The following NPAS4 variants were observed in gnomAD, a reference collection of about 807,000 sequenced individuals.
NPAS4 encodes neuronal PAS domain protein 4.
A neutral mutation model predicts 64.0 loss-of-function variants in NPAS4; 10 were observed. That is an observed-to-expected ratio of 0.16 (90% CI 0.10 to 0.26). NPAS4 has a LOEUF of 0.26. NPAS4 is among the 10% of genes least tolerant of loss of function. The pLI is 1.00. For missense variants in NPAS4, 886 were observed against 992.6 expected (o/e 0.89, Z 1.44); for synonymous variants, 441 against 411.7 (o/e 1.07, Z -0.86).
rs1283314833 is a variant in NPAS4 at position 66,422,727 on chromosome 11, G to T, written c.484G>T (p.Ala162Ser). 2 of 1,614,038 alleles carry T rather than the reference G, an allele frequency of 1.2e-6. No homozygotes were observed. The highest frequency in any genetic ancestry group is 1.7e-6 in the Non-Finnish European group (2 of 1,179,960). ...CTCCAAGTCCCTCAGGCGCCAGAGT[G>T]CAGGCAACAAACTCGTGCTTATTCG... ...NTSKSLRRQS[A>S]GNKLVLIRGR... The change falls in exon 4 of 8, where the codon GCA becomes TCA. Residue 162 changes from alanine to serine, a missense_variant. Ala to Ser is a moderately conservative substitution (Grantham distance 99). Transcript: ENST00000311034.
At chr11:66,422,621 GTCTC>G in intron 3 of NPAS4, 49 bp from the exon 4 acceptor site, 1 of 1,605,228 alleles carries the variant, frequency 6.2e-7, no homozygotes, top group Middle Eastern at 1.7e-4. Flanking sequence ...ACCATCCACT[GTCTC>G]TCTCTCAGCC....
chr11:66,414,448 G>T, the NPAS4 span, among the ~76,000 whole-genome samples: 1 of 151,980 alleles, frequency 6.6e-6, no homozygotes, highest in South Asian at 2.1e-4. Context: ...TCCCACCTGG[G>T]CTCTACTCTC....
At position 66,426,391 on chromosome 11, in the gene NPAS4, G is replaced by T; in HGVS notation, c.*402G>T. ...CCACCCGGGCCAGCCCGTGCCCTGA[G>T]GGGCTCTTGACACCCACGTAGAATT... is the stretch of plus-strand genomic sequence containing the variant. On this transcript the variant is annotated 3_prime_UTR_variant, in exon 8 of 8. Coordinates refer to ENST00000311034, the MANE Select transcript of NPAS4 (RefSeq NM_178864.4). The T allele has an allele frequency of 5.5e-6, 1 of 181,742 alleles. No homozygotes were observed. Among genetic ancestry groups the T allele is most frequent in the Non-Finnish European group, 1.2e-5 (1 of 85,618 alleles). The allele number at this position is 181,742 out of a possible 1,614,324, so 11.3% of individuals were successfully genotyped here. A position where few individuals can be genotyped will look rare whatever the true frequency, so the allele number is the denominator to read the frequency against.
rs1252541982 is a variant in NPAS4 at position 66,421,374 on chromosome 11, C to T, written c.175+20C>T. The T allele has an allele frequency of 4.3e-6, 7 of 1,609,660 alleles. No individual in the cohort carries two copies. Among genetic ancestry groups the T allele is most frequent in the African/African-American group, 1.3e-5 (1 of 74,872 alleles). On this transcript the variant is annotated intron_variant, in intron 1 of 7. Coordinates refer to ENST00000311034, the MANE Select transcript of NPAS4 (RefSeq NM_178864.4). Reference sequence around the variant, plus strand: ...CTGGTGGTGAGCATGCTGGGGCTACCGCAGATCCGAGCTGCCAGGCGCCGG... The same window carrying T: ...CTGGTGGTGAGCATGCTGGGGCTACTGCAGATCCGAGCTGCCAGGCGCCGG...
chr11:66,422,584 A>G (rs756520070), intron 3 of NPAS4, 31 bp downstream of exon 3: 1 of 1,603,520 alleles, frequency 6.2e-7, no homozygotes, highest in Non-Finnish European at 8.5e-7. Context: ...TCCTCGGTCC[A>G]ATTTCCCACC....
rs756195669 is a variant in NPAS4, at chr11:66,421,192, A to G, written c.13A>G (p.Thr5Ala). The G allele has an allele frequency of 2.5e-6, 4 of 1,609,836 alleles. No individual in the cohort carries two copies. Among genetic ancestry groups the G allele is most frequent in the Non-Finnish European group, 3.4e-6 (4 of 1,178,312 alleles). ...GCAGCCGCCGGTCATGTACCGCTCC[A>G]CCAAGGGCGCCTCCAAGGCGCGCCG... MYRS[T>A]KGASKARRDQ... Residue 5 changes from threonine (T) to alanine (A), a missense_variant, in exon 1 of 8, where the codon ACC becomes GCC. Physicochemically the swap from Thr to Ala is moderately conservative, Grantham distance 58. Coordinates refer to ENST00000311034, the MANE Select transcript of NPAS4 (RefSeq NM_178864.4).
chr11:66,415,935 C>A, the NPAS4 span, among the ~76,000 whole-genome samples: 1 of 152,046 alleles, frequency 6.6e-6, no homozygotes, highest in Non-Finnish European at 1.5e-5. Context: ...CCAGCCTGGG[C>A]AGAAAAAATT....
chr11:66,421,711 A>ACTGTCCGCGGTG (rs1350074823), intron 1 of NPAS4, among the ~76,000 whole-genome samples: 1 of 152,196 alleles, frequency 6.6e-6, no homozygotes, highest in African/African-American at 2.4e-5. Context: ...GAACATAGCT[A>ACTGTCCGCGGTG]CTGTCCGCGG....
Position 66,423,119 on chromosome 11 carries a change from C to G in NPAS4, c.699-4C>G. 1 of 1,597,122 alleles carries G rather than the reference C, an allele frequency of 6.3e-7. No homozygotes were observed. The highest frequency in any genetic ancestry group is 8.6e-7 in the Non-Finnish European group (1 of 1,167,754). ...AGCTGACCTCACCCTTTCCACCTTCCCAGTGTCCTAATCTACCTGGGCTTT... is the reference window on the plus strand; with the variant it reads ...AGCTGACCTCACCCTTTCCACCTTCGCAGTGTCCTAATCTACCTGGGCTTT... On this transcript the variant is annotated splice_polypyrimidine_tract_variant and splice_region_variant and intron_variant, in intron 4 of 7. Transcript: ENST00000311034.
chr11:66,410,866 A>T, the NPAS4 span: 1 of 152,348 alleles, frequency 6.6e-6, no homozygotes, highest in African/African-American at 2.4e-5. Context: ...ACTGAAGCTA[A>T]GAAGTGCTGG....
chr11:66,419,820 C>T (rs537397778), upstream of NPAS4, among the ~76,000 whole-genome samples: 3 of 152,134 alleles, frequency 2.0e-5, no homozygotes, highest in South Asian at 2.1e-4. Flanking sequence ...GAGCCAGGAG[C>T]CTTAGAGGCG....
chr11:66,423,446 A>AGT, intron 5 of NPAS4, 132 bp from the exon 6 acceptor site: 1 of 1,067,906 alleles, frequency 9.4e-7, no homozygotes, highest in Non-Finnish European at 1.4e-6. Flanking sequence ...TAGAGAGCTG[A>AGT]GTGGTTCAGG....
In NPAS4 at chr11:66,426,056, C is replaced by T. The variant is rs1315787707; in HGVS notation, c.*67C>T. 6 of 1,191,532 alleles carry T rather than the reference C, an allele frequency of 5.0e-6. No homozygotes were observed. The highest frequency in any genetic ancestry group is 1.7e-5 in the Admixed American group (1 of 59,386). 73.8% of individuals were successfully genotyped at this position (1,191,532 alleles called of 1,614,324 possible). ...ATCAAGACGTGGAGCCGCTCTCCAC[C>T]CCCCCGGGACTGTTGGGGGGATTCT... On this transcript the variant is annotated 3_prime_UTR_variant, in exon 8 of 8. Coordinates refer to ENST00000311034, the MANE Select transcript of NPAS4 (RefSeq NM_178864.4).
In NPAS4 at chr11:66,422,717, G is replaced by A; in HGVS notation, c.474G>A (p.Arg158=). The change falls in exon 4 of 8, where the codon AGG becomes AGA. Residue 158 remains arginine, a synonymous_variant. Coordinates refer to ENST00000311034, the MANE Select transcript of NPAS4 (RefSeq NM_178864.4). ...GCTTCAACACCTCCAAGTCCCTCAG[G>A]CGCCAGAGTGCAGGCAACAAACTCG... ...RCRFNTSKSL[R]RQSAGNKLVL... The A allele has an allele frequency of 6.2e-7, 1 of 1,613,942 alleles. No homozygotes were observed. The highest frequency in any genetic ancestry group is 1.1e-5 in the South Asian group (1 of 91,088).
At position 66,423,858 on chromosome 11, in the gene NPAS4, G is replaced by T; in HGVS notation, c.968G>T (p.Arg323Leu). ...AGTGACATGGAAGCCTGGAGCCTCCGCCAGCAGTTGAACTCTGAAGACACC... is the reference window on the plus strand; with the variant it reads ...AGTGACATGGAAGCCTGGAGCCTCCTCCAGCAGTTGAACTCTGAAGACACC... ...PISDMEAWSLRQQLNSEDTQA... is the reference protein window; with the variant it reads ...PISDMEAWSLLQQLNSEDTQA... The change falls in exon 7 of 8, where the codon CGC (arginine) becomes CTC (leucine). Residue 323 changes from arginine to leucine, a missense_variant. Coordinates refer to ENST00000311034, the MANE Select transcript of NPAS4 (RefSeq NM_178864.4). 2.5e-6 allele frequency: 4 copies of T among 1,610,880 alleles called. No homozygotes were observed. The highest frequency in any genetic ancestry group is 3.4e-6 in the Non-Finnish European group (4 of 1,178,166).
Position 66,424,092 on chromosome 11 carries a change from A to G in NPAS4, c.1202A>G (p.Tyr401Cys), listed in dbSNP as rs757144776. The G allele has an allele frequency of 4.3e-6, 7 of 1,613,930 alleles. No homozygotes were observed. The South Asian group carries it at 5.5e-5, about 13-fold the overall frequency. ...CCCTCCAAAGAACTGGACTTCAGTT[A>G]CCTGACATTCCCTTCTGGGCCTGAG... is the stretch of plus-strand genomic sequence containing the variant. ...PRPSKELDFSYLTFPSGPEPS... is the reference protein window; with the variant it reads ...PRPSKELDFSCLTFPSGPEPS... The change falls in exon 7 of 8, where the codon TAC becomes TGC. Residue 401 changes from tyrosine (Y) to cysteine (C), a missense_variant. By Grantham distance (194) the Tyr-to-Cys change is radical. Transcript: ENST00000311034.
Position 66,424,411 on chromosome 11 carries a change from C to A in NPAS4, c.1521C>A (p.Thr507=), listed in dbSNP as rs1856806953. 1 of 1,614,014 alleles carries A rather than the reference C, an allele frequency of 6.2e-7. No homozygotes were observed. The highest frequency in any genetic ancestry group is 2.2e-5 in the East Asian group (1 of 44,892). ...YEDQLTPCTS[T]FPDQLLPSTA... ...ACCAGTTGACTCCCTGCACCTCCACCTTCCCAGACCAGCTGCTTCCCAGCA... is the reference window on the plus strand; with the variant it reads ...ACCAGTTGACTCCCTGCACCTCCACATTCCCAGACCAGCTGCTTCCCAGCA... Residue 507 remains threonine (T), a synonymous_variant, in exon 7 of 8, where the codon ACC becomes ACA. Coordinates refer to ENST00000311034, the MANE Select transcript of NPAS4 (RefSeq NM_178864.4).
chr11:66,411,411 G>A, the NPAS4 span, among the ~76,000 whole-genome samples: 3 of 152,176 alleles, frequency 2.0e-5, no homozygotes, highest in Non-Finnish European at 2.9e-5. Flanking sequence ...GGTAGAGCTG[G>A]GAACAGAATC....
chr11:66,424,098 C>T lies in NPAS4; in HGVS notation c.1208C>T (p.Thr403Ile), dbSNP rs2134645789. The T allele has an allele frequency of 1.2e-6, 2 of 1,614,144 alleles. No individual in the cohort carries two copies. Among genetic ancestry groups the T allele is most frequent in the East Asian group, 2.2e-5 (1 of 44,876 alleles). ...PSKELDFSYL[T>I]FPSGPEPSLQ... ...AAAGAACTGGACTTCAGTTACCTGA[C>T]ATTCCCTTCTGGGCCTGAGCCTTCT... is the stretch of plus-strand genomic sequence containing the variant. Residue 403 changes from threonine to isoleucine, a missense_variant, in exon 7 of 8, where the codon ACA becomes ATA. Transcript: ENST00000311034.
Sources: gnomAD v4.1 joint callset for allele counts (sites outside exome capture counted in the v4.1 genomes callset) on GRCh38, gnomAD v4.1.1 for gene constraint, MANE v1.5 for transcripts, NCBI Gene and HGNC (gene_info 2026-07-23, HGNC 2026-07-21) for gene names.